The following CEP152 variants were observed in gnomAD, a reference collection of about 807,000 sequenced individuals.
The protein encoded by CEP152 is centrosomal protein of 152 kDa.
A neutral mutation model predicts 188.9 loss-of-function variants in CEP152; 132 were observed. That is an observed-to-expected ratio of 0.70 (90% CI 0.61 to 0.81). The LOEUF is 0.81. Among genes scored for constraint, CEP152 ranks in the 30% least tolerant of loss-of-function variants. The pLI, the probability that CEP152 is intolerant of heterozygous loss-of-function variation, is 0.00. For missense variants in CEP152, 1,914 were observed against 1,969.8 expected (o/e 0.97, Z 0.54); for synonymous variants, 649 against 666.6 (o/e 0.97, Z 0.41).
intron 2 of CEP152, among the ~76,000 whole-genome samples, chr15:48,801,454 C>G (rs1207562084): frequency 6.6e-6 from 1 of 152,170 alleles, no homozygotes; most frequent in Non-Finnish European, 1.5e-5. Context: ...TTCTATCTGC[C>G]ACCTGCTACC....
intron 24 of CEP152, among the ~76,000 whole-genome samples, chr15:48,743,923 ATT>A (rs1475228917): frequency 1.3e-5 from 2 of 152,128 alleles, no homozygotes; most frequent in African/African-American, 4.8e-5. Flanking sequence ...CCCATGTGAC[ATT>A]TTCTTTACTA....
intron 26 of CEP152, among the ~76,000 whole-genome samples, chr15:48,739,753 A>G (rs1193262224): frequency 6.6e-6 from 1 of 152,188 alleles, no homozygotes; most frequent in Non-Finnish European, 1.5e-5. Context: ...CTAAGACACT[A>G]AATCTGATCA....
intron 2 of CEP152, among the ~76,000 whole-genome samples, chr15:48,802,632 T>C (rs1897745198): frequency 6.6e-6 from 1 of 152,210 alleles, no homozygotes. Context: ...TCTTGCTTTT[T>C]TTTTTCCCAA....
intron 12 of CEP152, among the ~76,000 whole-genome samples, chr15:48,773,015 T>A (rs1895666291): frequency 6.6e-6 from 1 of 152,304 alleles, no homozygotes; most frequent in East Asian, 1.9e-4. Context: ...ATGCCCTTTA[T>A]GACTCTAACA....
At chr15:48,809,089 G>T (rs1479465323) in intron 1 of CEP152, among the ~76,000 whole-genome samples, 1 of 152,002 alleles carries the variant, frequency 6.6e-6, no homozygotes. Context: ...AAAAGCAATG[G>T]GTATTTGGAC....
chr15:48,758,797 A>G (rs1026715520), intron 19 of CEP152, among the ~76,000 whole-genome samples: 1 of 151,658 alleles, frequency 6.6e-6, no homozygotes, highest in Admixed American at 6.6e-5. Flanking sequence ...AGGAAAGCCC[A>G]GATAGCTATG....
chr15:48,786,059 GA>G (rs1282487476), intron 9 of CEP152, among the ~76,000 whole-genome samples: 1 of 151,004 alleles, frequency 6.6e-6, no homozygotes, highest in African/African-American at 2.4e-5. Context: ...TAAGCCAACA[GA>G]AAGTGTTCAA....
intron 7 of CEP152, among the ~76,000 whole-genome samples, chr15:48,791,957 G>T (rs1187942178): frequency 6.6e-6 from 1 of 151,966 alleles, no homozygotes; most frequent in African/African-American, 2.4e-5. Context: ...GCTAATCAAA[G>T]AAGTTATCTG....
intron 7 of CEP152, 27 bp from the exon 8 acceptor site, chr15:48,791,403 A>G: frequency 1.9e-6 from 3 of 1,601,566 alleles, no homozygotes; most frequent in East Asian, 2.2e-5. Flanking sequence ...GTTTATATAA[A>G]TAATGTTCCT....
chr15:48,791,176 A>G (rs1428681129), intron 8 of CEP152, 61 bp downstream of exon 8: 1 of 1,485,740 alleles, frequency 6.7e-7, no homozygotes, highest in African/African-American at 1.4e-5. Context: ...TACCCTACAA[A>G]AAGTTTTGTT....
chr15:48,738,850 G>GT lies in CEP152; in HGVS notation c.4531dup (p.Thr1511AsnfsTer6), dbSNP rs767643272. The GT allele has an allele frequency of 6.2e-7, 1 of 1,614,190 alleles. No homozygotes were observed. Among genetic ancestry groups the GT allele is most frequent in the Non-Finnish European group, 8.5e-7 (1 of 1,180,016 alleles). On this transcript the variant is annotated frameshift_variant, in exon 27 of 27. Transcript: ENST00000380950. LOFTEE classifies it low-confidence loss of function (END_TRUNC). ...GCATCCTGATTCAGAAGGACCAGGGGTACATCTAGGTGAGGGTTTATTTCC... is the reference window on the plus strand; with the variant it reads ...GCATCCTGATTCAGAAGGACCAGGGGTTACATCTAGGTGAGGGTTTATTTCC...
At chr15:48,784,282 A>T (rs1201131850) in intron 9 of CEP152, among the ~76,000 whole-genome samples, 162 bp from the exon 10 acceptor site, 1 of 152,198 alleles carries the variant, frequency 6.6e-6, no homozygotes, top group Non-Finnish European at 1.5e-5. Flanking sequence ...GGGAGTCAAG[A>T]GCTTGGGTGA....
chr15:48,765,118 A>G (rs1162635159), intron 17 of CEP152, among the ~76,000 whole-genome samples: 1 of 152,190 alleles, frequency 6.6e-6, no homozygotes, highest in Non-Finnish European at 1.5e-5. Flanking sequence ...ATAATTCTAT[A>G]GTAAAAAACT....
chr15:48,756,528 T>C lies in CEP152; in HGVS notation c.2720A>G (p.Lys907Arg). The C allele has an allele frequency of 6.2e-7, 1 of 1,607,790 alleles. No homozygotes were observed. Among genetic ancestry groups the C allele is most frequent in the Non-Finnish European group, 8.5e-7 (1 of 1,179,854 alleles). The change falls in exon 20 of 27, where the codon AAA becomes AGA. Residue 907 changes from lysine to arginine, a missense_variant. Transcript: ENST00000380950. ...TTCAAGCTCACTCTTCCATTTCTCT[T>C]TAGCTTCAGAAACAGCAAATGATAT... is the stretch of plus-strand genomic sequence containing the variant. ...KRISFAVSEAKEKWKSELENM... is the reference protein window; with the variant it reads ...KRISFAVSEAREKWKSELENM...
At chr15:48,799,743 T>C (rs982875975) in intron 2 of CEP152, among the ~76,000 whole-genome samples, 2 of 152,218 alleles carry the variant, frequency 1.3e-5, no homozygotes, top group Middle Eastern at 6.8e-3. Flanking sequence ...TCAACATATT[T>C]GTACAAGACA....
At position 48,738,450 on chromosome 15, in the gene CEP152, G is replaced by C. The variant is rs1892720994; in HGVS notation, c.4932C>G (p.Thr1644=). 5 of 1,614,094 alleles carry C rather than the reference G, an allele frequency of 3.1e-6. No individual in the cohort carries two copies. The East Asian group carries it at 1.1e-4, about 36-fold the overall frequency. Residue 1644 remains threonine (T), a synonymous_variant, in exon 27 of 27, where the codon ACC becomes ACG. Transcript: ENST00000380950. ...RYQTPYLSEE[T]TYLEPGKISV... is the part of the protein sequence containing the mutation. ...TGATCTTTCCTGGCTCCAAATACGTGGTTTCTTCTGACAGGTATGGAGTTT... is the reference window on the plus strand; with the variant it reads ...TGATCTTTCCTGGCTCCAAATACGTCGTTTCTTCTGACAGGTATGGAGTTT...
At chr15:48,757,891 G>A (rs1176217318) in intron 19 of CEP152, among the ~76,000 whole-genome samples, 1 of 152,210 alleles carries the variant, frequency 6.6e-6, no homozygotes, top group African/African-American at 2.4e-5. Flanking sequence ...GTCATTCCCA[G>A]GTGACTCGGA....
In CEP152 at chr15:48,767,445, C is replaced by T. The variant is rs775250121; in HGVS notation, c.2037G>A (p.Gln679=). The T allele has an allele frequency of 7.4e-6, 12 of 1,614,014 alleles. No individual in the cohort carries two copies. The African/African-American group carries it at 1.6e-4, about 22-fold the overall frequency. ...GAGTTTTCATGGCTTCATGGTGCTG[C>T]TGATAAGTCCTTTCACACCTGGAAA... The part of the protein sequence containing the change: ...EAVDRCERTY[Q]QHHEAMKTQI... The change falls in exon 16 of 27, where the codon CAG becomes CAA. Residue 679 remains glutamine (Q), a synonymous_variant. Transcript: ENST00000380950.
intron 17 of CEP152, 103 bp from the exon 18 acceptor site, chr15:48,762,775 C>A: frequency 1.8e-6 from 2 of 1,100,082 alleles, no homozygotes; most frequent in South Asian, 1.4e-5. Flanking sequence ...GTTTGAAAAC[C>A]ATCTAGATAT....
Sources: allele counts gnomAD v4.1 joint callset (sites outside exome capture counted in the v4.1 genomes callset), GRCh38; gene constraint gnomAD v4.1.1; transcripts MANE v1.5; gene names NCBI Gene and HGNC (gene_info 2026-07-23, HGNC 2026-07-21).